Variants in RNGTT observed in about 807,000 individuals in gnomAD.
The protein encoded by RNGTT is mRNA-capping enzyme.
RNGTT carries 33 observed loss-of-function variants against 79.3 expected under a neutral mutation model. That is an observed-to-expected ratio of 0.42 (90% CI 0.32 to 0.56). RNGTT has a LOEUF of 0.56. Ranked by LOEUF, RNGTT falls within the 20% of genes least tolerant of loss-of-function variation. The pLI is 0.17. For synonymous variants in RNGTT, 222 were observed against 235.9 expected (o/e 0.94, Z 0.54); for missense variants, 497 against 739.1 (o/e 0.67, Z 3.80).
In RNGTT at chr6:88,904,741, T is replaced by C; in HGVS notation, c.658A>G (p.Lys220Glu). 6.2e-7 allele frequency: 1 copy of C among 1,613,990 alleles called. No homozygotes were observed. The highest frequency in any genetic ancestry group is 8.5e-7 in the Non-Finnish European group (1 of 1,179,986). ...SEPGSSASFG[K>E]RRKERLKLGA... is the part of the protein sequence containing the mutation. ...AGTTTTAACCGTTCTTTTCTCCTTT[T>C]GCCAAAAGAAGCACTTGACCCGGGT... Residue 220 changes from lysine to glutamate, a missense_variant, in exon 6 of 16, where the codon AAA becomes GAA. By Grantham distance (56) the Lys-to-Glu change is moderately conservative. Transcript: ENST00000369485.
intron 15 of RNGTT, among the ~76,000 whole-genome samples, 199 bp downstream of exon 15, chr6:88,614,073 T>C (rs76693918): frequency 0.021 from 3,256 of 152,310 alleles, 110 homozygotes; most frequent in African/African-American, 0.073. Flanking sequence ...GGGCACAAGA[T>C]CACCAGTTTA....
rs9451054 is a variant in RNGTT at position 88,694,561 on chromosome 6, A to G, written c.1440-16142T>C. Among the ~76,000 whole-genome samples, 1,176 of 152,276 alleles carry G rather than the reference A, an allele frequency of 7.7e-3. 8 individuals are homozygous for G. Among genetic ancestry groups the G allele is most frequent in the African/African-American group, 0.026 (1,093 of 41,558 alleles). On this transcript the variant is annotated intron_variant, in intron 13 of 15. Coordinates refer to ENST00000369485, the MANE Select transcript of RNGTT (RefSeq NM_003800.5). ...TCAATACAATCCCTATCGAAATTAC[A>G]ATGACATTTTTCACAAAAATAGAAA...
intron 13 of RNGTT, among the ~76,000 whole-genome samples, chr6:88,736,227 C>T (rs12665057): frequency 6.6e-6 from 1 of 152,148 alleles, no homozygotes; most frequent in Non-Finnish European, 1.5e-5. Flanking sequence ...GATATTTTCA[C>T]TGGGTGTATT....
intron 1 of RNGTT, among the ~76,000 whole-genome samples, chr6:88,949,367 C>T (rs929400318): frequency 6.8e-6 from 1 of 147,622 alleles, no homozygotes; most frequent in Non-Finnish European, 1.5e-5. Flanking sequence ...CAGGTTCAAA[C>T]GATTCTCCTG....
intron 13 of RNGTT, among the ~76,000 whole-genome samples, chr6:88,741,102 A>T (rs1777474228): frequency 6.6e-6 from 1 of 152,136 alleles, no homozygotes; most frequent in Admixed American, 6.6e-5. Context: ...CTGGGTATAT[A>T]TCTAAAGAAA....
chr6:88,843,696 C>T (rs1294465556), intron 11 of RNGTT, among the ~76,000 whole-genome samples: 2 of 150,544 alleles, frequency 1.3e-5, no homozygotes, highest in African/African-American at 4.9e-5. Context: ...GTAGCTGGGA[C>T]TATAGACATG....
chr6:88,833,757 C>T (rs906973773), intron 11 of RNGTT, among the ~76,000 whole-genome samples: 1 of 152,202 alleles, frequency 6.6e-6, no homozygotes, highest in Non-Finnish European at 1.5e-5. Context: ...AGCATGGTGG[C>T]TCACACCTGT....
intron 12 of RNGTT, among the ~76,000 whole-genome samples, chr6:88,783,977 A>G (rs1316302797): frequency 6.6e-6 from 1 of 152,138 alleles, no homozygotes; most frequent in Non-Finnish European, 1.5e-5. Flanking sequence ...ACAGTAAGAT[A>G]AAGATAATGG....
chr6:88,926,512 A>G (rs1400842253), intron 4 of RNGTT, among the ~76,000 whole-genome samples: 1 of 152,232 alleles, frequency 6.6e-6, no homozygotes, highest in Admixed American at 6.5e-5. Flanking sequence ...TAATGTGGAA[A>G]CAAGTAACGT....
chr6:88,716,094 T>G (rs9362544), intron 13 of RNGTT, among the ~76,000 whole-genome samples: 17,901 of 151,466 alleles, frequency 0.12, 1,163 homozygotes, highest in Middle Eastern at 0.23. Context: ...ATCCAGAATC[T>G]ACAATGAACT....
At chr6:88,786,962 G>A (rs1450910523) in intron 12 of RNGTT, among the ~76,000 whole-genome samples, 1 of 152,082 alleles carries the variant, frequency 6.6e-6, no homozygotes, top group Non-Finnish European at 1.5e-5. Flanking sequence ...TGCCATGTGG[G>A]ACACAACATA....
chr6:88,952,285 G>A (rs746931303), intron 1 of RNGTT, among the ~76,000 whole-genome samples: 1 of 152,102 alleles, frequency 6.6e-6, no homozygotes, highest in African/African-American at 2.4e-5. Context: ...AGGAGAGTCT[G>A]AGCCCATATC....
At chr6:88,748,175 GA>G (rs113308235) in intron 13 of RNGTT, among the ~76,000 whole-genome samples, 5 of 150,824 alleles carry the variant, frequency 3.3e-5, no homozygotes, top group South Asian at 4.2e-4. Flanking sequence ...GAAATTAAAA[GA>G]AAAAAAAAGT....
chr6:88,836,444 T>C (rs539636532), intron 11 of RNGTT, among the ~76,000 whole-genome samples: 6 of 151,896 alleles, frequency 4.0e-5, no homozygotes, highest in Admixed American at 1.3e-4. Flanking sequence ...ACATGACAAA[T>C]AAATTATCAG....
chr6:88,897,406 C>A (rs1277484618), intron 6 of RNGTT, among the ~76,000 whole-genome samples: 1 of 152,130 alleles, frequency 6.6e-6, no homozygotes, highest in East Asian at 1.9e-4. Flanking sequence ...CCTATTACTC[C>A]AAAAACTGCA....
intron 14 of RNGTT, among the ~76,000 whole-genome samples, chr6:88,622,184 T>C: frequency 6.6e-6 from 1 of 152,124 alleles, no homozygotes; most frequent in East Asian, 1.9e-4. Context: ...TTTTGACAAA[T>C]CAAAATGAAA....
At chr6:88,688,943 C>T (rs1243447242) in intron 13 of RNGTT, among the ~76,000 whole-genome samples, 2 of 152,116 alleles carry the variant, frequency 1.3e-5, no homozygotes, top group Non-Finnish European at 2.9e-5. Flanking sequence ...TTTCTTTTCT[C>T]TAGCTTTATT....
chr6:88,722,307 T>C (rs1776734617), intron 13 of RNGTT, among the ~76,000 whole-genome samples: 1 of 152,100 alleles, frequency 6.6e-6, no homozygotes, highest in Non-Finnish European at 1.5e-5. Context: ...ACACAGACTT[T>C]GGTTTTCAGC....
intron 8 of RNGTT, among the ~76,000 whole-genome samples, chr6:88,876,350 GA>G (rs1284584403): frequency 6.6e-6 from 1 of 152,076 alleles, no homozygotes; most frequent in Admixed American, 6.6e-5. Context: ...ACAACACGGG[GA>G]AACCCTATCT....
Sources: allele counts gnomAD v4.1 joint callset (sites outside exome capture counted in the v4.1 genomes callset), GRCh38; gene constraint gnomAD v4.1.1; transcripts MANE v1.5; gene names NCBI Gene and HGNC (gene_info 2026-07-23, HGNC 2026-07-21).